Variants in PDS5B observed in about 807,000 individuals in gnomAD.
PDS5B encodes the protein PDS5 cohesin associated factor B, also known as sister chromatid cohesion protein PDS5 homolog B.
A neutral mutation model predicts 184.1 loss-of-function variants in PDS5B; 51 were observed. That is an observed-to-expected ratio of 0.28 (90% CI 0.22 to 0.35). PDS5B has a LOEUF of 0.35. Among genes scored for constraint, PDS5B ranks in the 10% least tolerant of loss-of-function variants. The pLI, the probability that PDS5B is intolerant of heterozygous loss-of-function variation, is 1.00. For synonymous variants in PDS5B, 566 were observed against 569.2 expected (o/e 0.99, Z 0.08); for missense variants, 1,180 against 1,723.3 (o/e 0.68, Z 5.58).
intron 1 of PDS5B, among the ~76,000 whole-genome samples, chr13:32,611,123 A>AT (rs1180245636): frequency 1.3e-5 from 2 of 151,924 alleles, no homozygotes; most frequent in East Asian, 3.9e-4. Flanking sequence ...ATCCCACAGG[A>AT]TTTTGTCTTT....
chr13:32,735,516 G>C (rs1234409385), intron 21 of PDS5B, among the ~76,000 whole-genome samples, 186 bp downstream of exon 21: 1 of 152,058 alleles, frequency 6.6e-6, no homozygotes, highest in African/African-American at 2.4e-5. Context: ...CATCTTTTTA[G>C]TTGAGAATAG....
At chr13:32,772,809 G>A (rs1366131624) in intron 33 of PDS5B, among the ~76,000 whole-genome samples, 1 of 152,076 alleles carries the variant, frequency 6.6e-6, no homozygotes, top group Non-Finnish European at 1.5e-5. Flanking sequence ...AGAAGTGAAT[G>A]GATTTGAGAT....
intron 19 of PDS5B, among the ~76,000 whole-genome samples, chr13:32,713,681 A>G (rs1952277576): frequency 6.6e-6 from 1 of 152,194 alleles, no homozygotes; most frequent in African/African-American, 2.4e-5. Context: ...AATTGCAGAT[A>G]GTGAAAAACC....
chr13:32,773,358 A>G (rs933778375), intron 34 of PDS5B, 34 bp downstream of exon 34: 7 of 1,565,188 alleles, frequency 4.5e-6, no homozygotes, highest in Non-Finnish European at 6.1e-6. Context: ...GTGGTGTGGG[A>G]TATAAAAAGA....
At chr13:32,677,744 T>A (rs565599857) in intron 9 of PDS5B, among the ~76,000 whole-genome samples, 1 of 152,110 alleles carries the variant, frequency 6.6e-6, no homozygotes, top group Non-Finnish European at 1.5e-5. Context: ...CACTCCTTTA[T>A]AATGCTAACT....
chr13:32,645,755 CTT>C lies in PDS5B; in HGVS notation c.-19-2998_-19-2997del, dbSNP rs1950202899. Reference sequence around the variant, plus strand: ...AACATACATTCAGGAAAGTGTAAAACTTATGTCTTTAGCTCTATATGACTTCA... The same window carrying C: ...AACATACATTCAGGAAAGTGTAAAACATGTCTTTAGCTCTATATGACTTCA... On this transcript the variant is annotated intron_variant, in intron 1 of 34. Transcript: ENST00000315596. Among the ~76,000 whole-genome samples the C allele has an allele frequency of 2.6e-5, 4 of 152,232 alleles. No homozygotes were observed. In the South Asian group the frequency reaches 8.3e-4, roughly 32 times the overall value.
At chr13:32,755,710 G>T in intron 25 of PDS5B, 132 bp from the exon 26 acceptor site, 1 of 534,396 alleles carries the variant, frequency 1.9e-6, no homozygotes, top group Non-Finnish European at 3.4e-6. Flanking sequence ...GTGAACTGTT[G>T]GGATGCAGAA....
intron 24 of PDS5B, among the ~76,000 whole-genome samples, chr13:32,746,583 C>T (rs890490567): frequency 6.6e-6 from 1 of 152,198 alleles, no homozygotes; most frequent in African/African-American, 2.4e-5. Flanking sequence ...ATATCAGAGC[C>T]TTCTTGTGCT....
At chr13:32,740,811 T>TAAGA (rs2140971063) in intron 21 of PDS5B, among the ~76,000 whole-genome samples, 1 of 152,128 alleles carries the variant, frequency 6.6e-6, no homozygotes, top group East Asian at 1.9e-4. Flanking sequence ...GAGTGATGTG[T>TAAGA]AAGAAGTTAG....
At chr13:32,745,056 A>G (rs1423037277) in intron 23 of PDS5B, among the ~76,000 whole-genome samples, 1 of 152,126 alleles carries the variant, frequency 6.6e-6, no homozygotes, top group African/African-American at 2.4e-5. Flanking sequence ...GATTGTTTAG[A>G]TGTATTTACT....
intron 29 of PDS5B, 104 bp downstream of exon 29, chr13:32,759,794 A>G: frequency 1.7e-6 from 1 of 589,058 alleles, no homozygotes; most frequent in Non-Finnish European, 2.9e-6. Flanking sequence ...TATATTTTCA[A>G]GCTGGAAAAT....
intron 15 of PDS5B, among the ~76,000 whole-genome samples, chr13:32,697,238 T>A (rs996245340): frequency 2.6e-5 from 4 of 152,204 alleles, no homozygotes; most frequent in Non-Finnish European, 4.4e-5. Flanking sequence ...AAAATATTAA[T>A]TTGCTTTTTT....
Position 32,610,909 on chromosome 13 carries a change from T to C in PDS5B, c.-20+24316T>C, listed in dbSNP as rs545808389. ...CTCTCCTCTTAGTATTATACCATGC[T>C]GCCTTTAGTTCAAACCTTTTAAAAC... On this transcript the variant is annotated intron_variant, in intron 1 of 34. Coordinates refer to ENST00000315596, the MANE Select transcript of PDS5B (RefSeq NM_015032.4). Among the ~76,000 whole-genome samples the C allele has an allele frequency of 5.9e-5, 9 of 152,302 alleles. No individual in the cohort carries two copies. The South Asian group carries it at 1.7e-3, about 28-fold the overall frequency.
chr13:32,657,143 C>T (rs1478436064), intron 3 of PDS5B, among the ~76,000 whole-genome samples: 1 of 152,140 alleles, frequency 6.6e-6, no homozygotes, highest in Non-Finnish European at 1.5e-5. Context: ...TAGTTGTCTG[C>T]CCCAATAATC....
chr13:32,686,878 T>C (rs1951408903), intron 11 of PDS5B, among the ~76,000 whole-genome samples: 1 of 152,202 alleles, frequency 6.6e-6, no homozygotes, highest in Admixed American at 6.5e-5. Flanking sequence ...CAGGCATAGA[T>C]GATAGGTTTA....
chr13:32,632,400 G>GCACATAAGATACTCAA (rs2058471728), intron 1 of PDS5B, among the ~76,000 whole-genome samples: 1 of 152,218 alleles, frequency 6.6e-6, no homozygotes, highest in Admixed American at 6.5e-5. Context: ...AGACCTGTAA[G>GCACATAAGATACTCAA]CACATAAGAT....
chr13:32,717,399 C>T (rs1207141536), intron 19 of PDS5B, among the ~76,000 whole-genome samples: 1 of 148,258 alleles, frequency 6.7e-6, no homozygotes, highest in African/African-American at 2.5e-5. Flanking sequence ...ACCCCCAACC[C>T]TGTGCTCTCT....
chr13:32,708,269 A>T (rs749565670), intron 18 of PDS5B, among the ~76,000 whole-genome samples: 1 of 152,216 alleles, frequency 6.6e-6, no homozygotes, highest in Non-Finnish European at 1.5e-5. Flanking sequence ...CTTCTGCCCT[A>T]TCACTGGCTT....
Position 32,605,966 on chromosome 13 carries a change from C to T in PDS5B, c.-20+19373C>T, listed in dbSNP as rs1171753531. On this transcript the variant is annotated intron_variant, in intron 1 of 34. Coordinates refer to ENST00000315596, the MANE Select transcript of PDS5B (RefSeq NM_015032.4). ...TATTTTGAGCCTGTGTGTGTCTCTG[C>T]GTGTGAGATGGGTCTCCTGAATACA... 4.0e-5 allele frequency among the ~76,000 whole-genome samples: 6 copies of T among 151,522 alleles called. No homozygotes were observed. The East Asian group carries it at 7.7e-4, about 20-fold the overall frequency.
Sources: gnomAD v4.1 joint callset for allele counts (sites outside exome capture counted in the v4.1 genomes callset) on GRCh38, gnomAD v4.1.1 for gene constraint, MANE v1.5 for transcripts, NCBI Gene and HGNC (gene_info 2026-07-23, HGNC 2026-07-21) for gene names.